The following SH3GL3 variants were observed in gnomAD, a reference collection of about 807,000 sequenced individuals.
SH3GL3 encodes endophilin-A3.
SH3GL3 carries 33 observed loss-of-function variants against 47.7 expected under a neutral mutation model. The ratio of observed to expected loss-of-function variants is 0.69; its 90% CI spans 0.52 to 0.92. The LOEUF (loss-of-function observed/expected upper bound fraction) is 0.92, where lower values mean the gene tolerates loss of function less well. Among genes scored for constraint, SH3GL3 ranks in the 40% least tolerant of loss-of-function variants. The pLI is 0.00. For missense variants in SH3GL3, 363 were observed against 417.8 expected, an observed-to-expected ratio of 0.87 and a Z score of 1.14; for synonymous variants, 155 against 148.8, an observed-to-expected ratio of 1.04 and a Z score of -0.30.
chr15:83,633,779 C>G, the SH3GL3 span, among the ~76,000 whole-genome samples: 3 of 152,130 alleles, frequency 2.0e-5, no homozygotes, highest in African/African-American at 7.2e-5. Flanking sequence ...ATTTCTCCCC[C>G]TAACCTAGCT....
intron 8 of SH3GL3, among the ~76,000 whole-genome samples, chr15:83,594,983 C>T (rs2151819238): frequency 6.6e-6 from 1 of 152,270 alleles, no homozygotes; most frequent in Middle Eastern, 3.4e-3. Context: ...TCATTTGACC[C>T]AGCATTCCCG....
intron 8 of SH3GL3, among the ~76,000 whole-genome samples, chr15:83,610,024 G>A (rs964699809): frequency 6.6e-6 from 1 of 152,346 alleles, no homozygotes; most frequent in Non-Finnish European, 1.5e-5. Flanking sequence ...GCAGGACAGA[G>A]ACTAAGTGCC....
At chr15:83,489,996 A>C (rs2041807601) in intron 1 of SH3GL3, among the ~76,000 whole-genome samples, 1 of 152,198 alleles carries the variant, frequency 6.6e-6, no homozygotes, top group South Asian at 2.1e-4. Context: ...GATAAAAGGG[A>C]ACCAAATACT....
chr15:83,539,767 G>A (rs1029624734), intron 1 of SH3GL3, among the ~76,000 whole-genome samples: 12 of 152,008 alleles, frequency 7.9e-5, no homozygotes, highest in African/African-American at 2.9e-4. Context: ...TTTGGGGTCT[G>A]GTTGAGATAT....
rs555270205 is a variant in SH3GL3, at chr15:83,576,566, C to T, written c.466-17C>T. The T allele has an allele frequency of 3.1e-6, 5 of 1,593,518 alleles. No homozygotes were observed. In the African/African-American group the frequency reaches 6.8e-5, roughly 22 times the overall value. On this transcript the variant is annotated splice_polypyrimidine_tract_variant and intron_variant, in intron 5 of 8. Transcript: ENST00000427482. The stretch of plus-strand genomic sequence containing the variant: ...GAATGTAGCACCTCTCTGAGGGACT[C>T]CATTCTCTTTTTTTAGCATCACCTG...
intron 1 of SH3GL3, among the ~76,000 whole-genome samples, chr15:83,459,879 C>T (rs1461037862): frequency 6.6e-6 from 1 of 152,036 alleles, no homozygotes; most frequent in Non-Finnish European, 1.5e-5. Context: ...GGTACATTTT[C>T]TTTTTAACTG....
At chr15:83,458,209 T>C (rs2040092784) in intron 1 of SH3GL3, among the ~76,000 whole-genome samples, 1 of 152,194 alleles carries the variant, frequency 6.6e-6, no homozygotes, top group African/African-American at 2.4e-5. Flanking sequence ...TGGGAAAGTG[T>C]TGAGCTGAGG....
intron 1 of SH3GL3, among the ~76,000 whole-genome samples, chr15:83,460,972 A>G (rs966960969): frequency 6.6e-6 from 1 of 151,926 alleles, no homozygotes; most frequent in Non-Finnish European, 1.5e-5. Flanking sequence ...ATTCCCAGCT[A>G]CTCAGGAGGC....
At chr15:83,607,717 A>C (rs1435196843) in intron 8 of SH3GL3, among the ~76,000 whole-genome samples, 1 of 152,090 alleles carries the variant, frequency 6.6e-6, no homozygotes, top group Non-Finnish European at 1.5e-5. Flanking sequence ...TCCACATTGT[A>C]AAAAAGCAAG....
intron 1 of SH3GL3, among the ~76,000 whole-genome samples, chr15:83,513,004 A>G (rs891976015): frequency 6.6e-6 from 1 of 151,936 alleles, no homozygotes; most frequent in Non-Finnish European, 1.5e-5. Flanking sequence ...AAATCCACAT[A>G]CTCCTTTTCA....
intron 1 of SH3GL3, among the ~76,000 whole-genome samples, chr15:83,467,262 A>G (rs985323329): frequency 6.6e-6 from 1 of 152,216 alleles, no homozygotes; most frequent in Non-Finnish European, 1.5e-5. Context: ...GTGGATGTCT[A>G]CTTACTCCAG....
intron 1 of SH3GL3, among the ~76,000 whole-genome samples, chr15:83,544,412 G>A (rs1209790850): frequency 1.3e-5 from 2 of 152,036 alleles, no homozygotes; most frequent in Non-Finnish European, 2.9e-5. Flanking sequence ...CTGAGGAGAA[G>A]AATGTGTATT....
At chr15:83,585,351 C>A (rs1393808775) in intron 6 of SH3GL3, among the ~76,000 whole-genome samples, 1 of 152,192 alleles carries the variant, frequency 6.6e-6, no homozygotes, top group Non-Finnish European at 1.5e-5. Flanking sequence ...CCCCTTGCCC[C>A]CTTCCTGTTC....
chr15:83,587,141 A>C (rs1047808062), intron 7 of SH3GL3, 55 bp downstream of exon 7: 21 of 905,200 alleles, frequency 2.3e-5, no homozygotes, highest in Non-Finnish European at 3.5e-6. Context: ...ACATCTATTG[A>C]AATCCATCTG....
intron 1 of SH3GL3, among the ~76,000 whole-genome samples, chr15:83,536,577 ATT>A (rs1223614077): frequency 6.6e-6 from 1 of 151,250 alleles, no homozygotes; most frequent in Admixed American, 6.6e-5. Flanking sequence ...TAATTTTTAT[ATT>A]TTTAGTAGAG....
chr15:83,534,944 GAA>G (rs142559448), intron 1 of SH3GL3, among the ~76,000 whole-genome samples: 1 of 152,060 alleles, frequency 6.6e-6, no homozygotes, highest in Non-Finnish European at 1.5e-5. Flanking sequence ...GTAAATTTAG[GAA>G]AAAGGTGGAA....
intron 1 of SH3GL3, among the ~76,000 whole-genome samples, chr15:83,464,573 C>G (rs2040473269): frequency 6.6e-6 from 1 of 152,190 alleles, no homozygotes; most frequent in East Asian, 1.9e-4. Flanking sequence ...TCTTAATTAT[C>G]TCTACCCCAA....
intron 5 of SH3GL3, among the ~76,000 whole-genome samples, chr15:83,574,498 T>G (rs945274764): frequency 6.6e-6 from 1 of 152,152 alleles, no homozygotes; most frequent in Non-Finnish European, 1.5e-5. Flanking sequence ...TTTCCCTTTC[T>G]GTCTGTTGGC....
chr15:83,564,598 C>T lies in SH3GL3; in HGVS notation c.115-536C>T, dbSNP rs557759884. Among the ~76,000 whole-genome samples the T allele has an allele frequency of 9.2e-5, 14 of 152,296 alleles. No individual in the cohort carries two copies. The East Asian group carries it at 2.3e-3, about 25-fold the overall frequency. ...CCAGAAAGGGTTAACTTTCAGGGAA[C>T]GTTTGGGGAAAACTTTGATGTTAAC... On this transcript the variant is annotated intron_variant, in intron 2 of 8. Coordinates refer to ENST00000427482, the MANE Select transcript of SH3GL3 (RefSeq NM_003027.5).
Sources: gnomAD v4.1 joint callset for allele counts (sites outside exome capture counted in the v4.1 genomes callset) on GRCh38, gnomAD v4.1.1 for gene constraint, MANE v1.5 for transcripts, NCBI Gene and HGNC (gene_info 2026-07-23, HGNC 2026-07-21) for gene names.